The following MSRB3 variants were observed in gnomAD, a reference collection of about 807,000 sequenced individuals.
The protein encoded by MSRB3 is methionine sulfoxide reductase B3.
A neutral mutation model predicts 21.0 loss-of-function variants in MSRB3; 13 were observed. The observed-to-expected ratio is 0.62, with a 90% CI of 0.40 to 0.98. The LOEUF (loss-of-function observed/expected upper bound fraction) is 0.98. Ranked by LOEUF, MSRB3 falls within the 50% of genes least tolerant of loss-of-function variation. MSRB3 has a pLI of 0.00. For synonymous variants in MSRB3, 87 were observed against 88.6 expected (o/e 0.98, Z 0.10); for missense variants, 199 against 230.3 (o/e 0.86, Z 0.88).
chr12:65,373,742 C>T (rs770408661), intron 5 of MSRB3, among the ~76,000 whole-genome samples: 1 of 151,928 alleles, frequency 6.6e-6, no homozygotes. Context: ...TAAATAAAGC[C>T]GAGAGTGTAG....
intron 5 of MSRB3, among the ~76,000 whole-genome samples, chr12:65,445,590 G>A (rs1271025010): frequency 6.6e-6 from 1 of 150,876 alleles, no homozygotes; most frequent in Admixed American, 6.6e-5. Context: ...AGAGTCTATA[G>A]GTTTATGCTA....
At chr12:65,424,163 G>A (rs1367171181) in intron 5 of MSRB3, among the ~76,000 whole-genome samples, 4 of 151,358 alleles carry the variant, frequency 2.6e-5, no homozygotes, top group Non-Finnish European at 5.9e-5. Flanking sequence ...GTATTTGAGT[G>A]CTATTTGTGT....
chr12:65,426,845 A>G (rs967294577), intron 5 of MSRB3, among the ~76,000 whole-genome samples: 1 of 151,798 alleles, frequency 6.6e-6, no homozygotes, highest in East Asian at 1.9e-4. Flanking sequence ...ATGGGTTTTA[A>G]ATTTCATTCC....
chr12:65,296,339 T>C (rs1872962309), intron 1 of MSRB3, among the ~76,000 whole-genome samples: 2 of 152,154 alleles, frequency 1.3e-5, no homozygotes, highest in African/African-American at 4.8e-5. Flanking sequence ...TACATTCTCT[T>C]TCTCTCTTTT....
chr12:65,466,299 C>T lies in MSRB3; in HGVS notation c.*2977C>T, dbSNP rs1883570633. The T allele has an allele frequency of 6.6e-6, 1 of 152,084 alleles. No homozygotes were observed. The highest frequency in any genetic ancestry group is 1.5e-5 in the Non-Finnish European group (1 of 68,024). The allele number at this position is 152,084 out of a possible 1,614,324, so 9.4% of individuals were successfully genotyped here. A position where few individuals can be genotyped will look rare whatever the true frequency, so the allele number is the denominator to read the frequency against. ...AGTGGTATCAAATTTCAGTATATTT[C>T]TGTCTTATGTGAAAGAAATATATTA... On this transcript the variant is annotated 3_prime_UTR_variant, in exon 7 of 7. Transcript: ENST00000308259.
chr12:65,301,701 T>G (rs918748507), intron 1 of MSRB3, among the ~76,000 whole-genome samples: 8 of 152,226 alleles, frequency 5.3e-5, no homozygotes, highest in Admixed American at 3.3e-4. Context: ...TGATATGGTT[T>G]CAGACTACCA....
chr12:65,446,672 C>T (rs1416859953), intron 5 of MSRB3, among the ~76,000 whole-genome samples: 1 of 151,724 alleles, frequency 6.6e-6, no homozygotes. Context: ...AAATCCATTG[C>T]AAAGAGAATT....
At chr12:65,329,468 G>A (rs1005284486) in intron 4 of MSRB3, among the ~76,000 whole-genome samples, 16 of 152,142 alleles carry the variant, frequency 1.1e-4, no homozygotes, top group Non-Finnish European at 1.8e-4. Flanking sequence ...TGGCCAACAT[G>A]GTGAAACCCC....
chr12:65,308,183 T>C (rs761592718), intron 1 of MSRB3, among the ~76,000 whole-genome samples: 1 of 152,246 alleles, frequency 6.6e-6, no homozygotes, highest in Non-Finnish European at 1.5e-5. Context: ...AATTAAATGA[T>C]ACAACGTGTA....
chr12:65,393,628 C>T (rs983026277), intron 5 of MSRB3, among the ~76,000 whole-genome samples: 2 of 81,186 alleles, frequency 2.5e-5, no homozygotes, highest in Non-Finnish European at 4.7e-5. Flanking sequence ...GAGACTCCGT[C>T]GCAAAAAAAA....
intron 5 of MSRB3, among the ~76,000 whole-genome samples, chr12:65,407,182 TAG>T (rs1276465368): frequency 6.6e-6 from 1 of 152,044 alleles, no homozygotes; most frequent in African/African-American, 2.4e-5. Flanking sequence ...ACTTTTGACA[TAG>T]ATGCCAAAAA....
At chr12:65,421,512 G>C (rs1252615166) in intron 5 of MSRB3, among the ~76,000 whole-genome samples, 3 of 152,074 alleles carry the variant, frequency 2.0e-5, no homozygotes, top group African/African-American at 7.2e-5. Flanking sequence ...GATTGCATTT[G>C]GCATCTTCAT....
At chr12:65,410,305 T>A (rs908772105) in intron 5 of MSRB3, among the ~76,000 whole-genome samples, 1 of 152,172 alleles carries the variant, frequency 6.6e-6, no homozygotes, top group Admixed American at 6.5e-5. Context: ...TGGCACCAGA[T>A]CAATGCTTGT....
intron 4 of MSRB3, among the ~76,000 whole-genome samples, chr12:65,331,153 T>A (rs1875388058): frequency 6.6e-6 from 1 of 152,164 alleles, no homozygotes. Flanking sequence ...ATTTAAAAAA[T>A]TTCTGATAAG....
At position 65,416,710 on chromosome 12, in the gene MSRB3, C is replaced by A. The variant is rs116365601; in HGVS notation, c.293-37018C>A. On this transcript the variant is annotated intron_variant, in intron 5 of 6. Transcript: ENST00000308259. ...GGCTAAGATGTCACTAGGTGTAGGA[C>A]TTTTTCAGATCCATTATAATATTAC... Among the ~76,000 whole-genome samples the A allele has an allele frequency of 6.0e-3, 915 of 152,266 alleles. 17 individuals are homozygous for A. Among genetic ancestry groups the A allele is most frequent in the African/African-American group, 0.021 (884 of 41,534 alleles).
intron 5 of MSRB3, among the ~76,000 whole-genome samples, chr12:65,430,762 A>G (rs1017205387): frequency 3.9e-5 from 6 of 152,030 alleles, no homozygotes; most frequent in Non-Finnish European, 7.4e-5. Context: ...AACCTTCAAA[A>G]TGACTCACAT....
At chr12:65,383,910 C>T (rs558010672) in intron 5 of MSRB3, among the ~76,000 whole-genome samples, 8 of 152,198 alleles carry the variant, frequency 5.3e-5, no homozygotes, top group African/African-American at 1.7e-4. Context: ...CCACCCGCCT[C>T]GGCCTCCCAA....
At chr12:65,463,093 G>T (rs1883402412) in intron 6 of MSRB3, 62 bp from the exon 7 acceptor site, 1 of 1,601,064 alleles carries the variant, frequency 6.2e-7, no homozygotes, top group African/African-American at 1.3e-5. Context: ...TGCTTAATGT[G>T]AATTCCTCTC....
At chr12:65,294,007 A>G (rs1266891932) in intron 1 of MSRB3, among the ~76,000 whole-genome samples, 2 of 152,156 alleles carry the variant, frequency 1.3e-5, no homozygotes, top group Non-Finnish European at 2.9e-5. Context: ...CAGCTCTAGT[A>G]AGGAGATAGT....
Sources: gnomAD v4.1 joint callset for allele counts (sites outside exome capture counted in the v4.1 genomes callset) on GRCh38, gnomAD v4.1.1 for gene constraint, MANE v1.5 for transcripts, NCBI Gene and HGNC (gene_info 2026-07-23, HGNC 2026-07-21) for gene names.